PRKG1: variants seen among roughly 807,000 people sequenced by gnomAD.
PRKG1 encodes protein kinase cGMP-dependent 1.
A neutral mutation model predicts 88.1 loss-of-function variants in PRKG1; 35 were observed. The observed-to-expected ratio is 0.40, with a 90% CI of 0.30 to 0.53. The LOEUF (loss-of-function observed/expected upper bound fraction) is 0.53. Among genes scored for constraint, PRKG1 ranks in the 20% least tolerant of loss-of-function variants. PRKG1 has a pLI of 0.59. For missense variants in PRKG1, 540 were observed against 839.8 expected (o/e 0.64, Z 4.41); for synonymous variants, 303 against 292.5 (o/e 1.04, Z -0.37).
intron 3 of PRKG1, among the ~76,000 whole-genome samples, chr10:51,472,799 T>C (rs1388855291): frequency 6.6e-6 from 1 of 151,954 alleles, no homozygotes; most frequent in Non-Finnish European, 1.5e-5. Context: ...TGCTGTGCTA[T>C]AGCAAAAGAG....
intron 2 of PRKG1, among the ~76,000 whole-genome samples, chr10:51,367,974 T>C (rs973655492): frequency 1.3e-5 from 2 of 151,922 alleles, no homozygotes; most frequent in African/African-American, 4.8e-5. Flanking sequence ...TTCCCTCTCC[T>C]TTCTGATTAT....
At chr10:52,026,075 C>T (rs2133201097) in intron 5 of PRKG1, among the ~76,000 whole-genome samples, 1 of 151,968 alleles carries the variant, frequency 6.6e-6, no homozygotes, top group African/African-American at 2.4e-5. Flanking sequence ...GGACAGGATT[C>T]CCTATTTAAT....
intron 1 of PRKG1, among the ~76,000 whole-genome samples, chr10:51,123,357 A>G (rs1412429010): frequency 6.6e-6 from 1 of 152,164 alleles, no homozygotes; most frequent in Non-Finnish European, 1.5e-5. Flanking sequence ...AACTTCTTGC[A>G]TGCTCCGTAT....
rs555823232 is a variant in PRKG1 at position 52,019,302 on chromosome 10, C to T, written c.763-35182C>T. On this transcript the variant is annotated intron_variant, in intron 5 of 17. Transcript: ENST00000373980. ...GGTTTGTGAGGGACAAACATCCAAA[C>T]TATAGCAGGATCCTACCCTCTTACA... Among the ~76,000 whole-genome samples the T allele has an allele frequency of 7.9e-5, 12 of 152,286 alleles. No homozygotes were observed. In the South Asian group the frequency reaches 2.5e-3, roughly 32 times the overall value.
chr10:51,503,208 CTCTTTCCAATGTT>C (rs1287735783), intron 3 of PRKG1, among the ~76,000 whole-genome samples: 7 of 152,138 alleles, frequency 4.6e-5, no homozygotes, highest in Non-Finnish European at 1.5e-5. Flanking sequence ...CCACCATCAT[CTCTTTCCAATGTT>C]TGTTCCCATA....
chr10:51,892,823 T>G (rs539004735), intron 4 of PRKG1, among the ~76,000 whole-genome samples: 3 of 152,034 alleles, frequency 2.0e-5, no homozygotes, highest in Non-Finnish European at 2.9e-5. Context: ...GAACAAGGAG[T>G]GGGGGATCAC....
intron 5 of PRKG1, among the ~76,000 whole-genome samples, chr10:52,017,999 A>T (rs532242948): frequency 6.6e-6 from 1 of 152,296 alleles, no homozygotes; most frequent in African/African-American, 2.4e-5. Context: ...AGACACTCAC[A>T]TTAATATTCC....
intron 5 of PRKG1, among the ~76,000 whole-genome samples, chr10:52,012,522 G>A (rs112003899): frequency 7.9e-5 from 12 of 152,106 alleles, no homozygotes; most frequent in East Asian, 1.9e-4. Flanking sequence ...GATTACAGGC[G>A]TGAGCCACCG....
intron 2 of PRKG1, among the ~76,000 whole-genome samples, chr10:51,291,670 G>C (rs947898680): frequency 4.6e-5 from 7 of 152,128 alleles, no homozygotes; most frequent in Non-Finnish European, 1.0e-4. Context: ...CCCCTTAAAA[G>C]AAAGAGTGTT....
intron 3 of PRKG1, among the ~76,000 whole-genome samples, chr10:51,545,174 A>G (rs550405496): frequency 1.3e-5 from 2 of 152,242 alleles, no homozygotes; most frequent in African/African-American, 4.8e-5. Flanking sequence ...TAATAAAAAA[A>G]TTGTAGACAA....
Position 51,777,552 on chromosome 10 carries a change from CCTCA to C in PRKG1, c.593-27030_593-27027del, listed in dbSNP as rs199840630. On this transcript the variant is annotated intron_variant, in intron 3 of 17. Transcript: ENST00000373980. ...CCTTCCCCCACACATGCATAGCCTC[CCTCA>C]CTATCAAAATCCTGCCCCACTGTCG... 4.3e-3 allele frequency among the ~76,000 whole-genome samples: 660 copies of C among 152,238 alleles called. 7 individuals carry two copies. Among genetic ancestry groups the C allele is most frequent in the African/African-American group, 0.015 (617 of 41,552 alleles).
intron 3 of PRKG1, among the ~76,000 whole-genome samples, chr10:51,498,339 TA>T (rs1438421563): frequency 6.6e-6 from 1 of 152,216 alleles, no homozygotes; most frequent in Non-Finnish European, 1.5e-5. Flanking sequence ...TAGTTATTTA[TA>T]AAATAAGATT....
chr10:51,163,747 C>G (rs183621253), intron 2 of PRKG1, among the ~76,000 whole-genome samples: 1 of 152,230 alleles, frequency 6.6e-6, no homozygotes, highest in African/African-American at 2.4e-5. Context: ...GATTATATCT[C>G]GCACCTGGCT....
intron 3 of PRKG1, among the ~76,000 whole-genome samples, chr10:51,646,380 T>G (rs970540513): frequency 1.3e-5 from 2 of 151,946 alleles, no homozygotes; most frequent in Non-Finnish European, 2.9e-5. Flanking sequence ...CTCCTCTTCC[T>G]CTAACCCTCT....
chr10:51,201,198 T>G (rs966014472), intron 2 of PRKG1, among the ~76,000 whole-genome samples: 9 of 152,178 alleles, frequency 5.9e-5, no homozygotes, highest in African/African-American at 2.2e-4. Flanking sequence ...TGGTGGCTCA[T>G]GCCTGTAATC....
chr10:51,957,500 C>A (rs1843343796), intron 5 of PRKG1, among the ~76,000 whole-genome samples: 1 of 151,830 alleles, frequency 6.6e-6, no homozygotes. Context: ...TCTATGCTGC[C>A]CAGACTTGTC....
At chr10:51,415,109 CAGTCAGCGTGATCA>C (rs1283865023) in intron 2 of PRKG1, among the ~76,000 whole-genome samples, 1 of 152,214 alleles carries the variant, frequency 6.6e-6, no homozygotes, top group African/African-American at 2.4e-5. Flanking sequence ...CCAGGTCACA[CAGTCAGCGTGATCA>C]GTAGTTCAGG....
At chr10:51,866,267 A>G (rs1215941360) in intron 4 of PRKG1, among the ~76,000 whole-genome samples, 1 of 152,114 alleles carries the variant, frequency 6.6e-6, no homozygotes, top group East Asian at 1.9e-4. Context: ...GAAAGTTAAA[A>G]TAAGCATTCT....
intron 2 of PRKG1, among the ~76,000 whole-genome samples, chr10:51,422,457 T>G (rs1838445093): frequency 6.6e-6 from 1 of 152,150 alleles, no homozygotes; most frequent in Non-Finnish European, 1.5e-5. Flanking sequence ...CCCCTCTGCT[T>G]TGCAACATCT....
Sources: allele counts gnomAD v4.1 joint callset (sites outside exome capture counted in the v4.1 genomes callset), GRCh38; gene constraint gnomAD v4.1.1; transcripts MANE v1.5; gene names NCBI Gene and HGNC (gene_info 2026-07-23, HGNC 2026-07-21).